The following BTRC variants were observed in gnomAD, a reference collection of about 807,000 sequenced individuals.
BTRC encodes the protein beta-transducin repeat containing E3 ubiquitin protein ligase, also known as F-box/WD repeat-containing protein 1A.
BTRC carries 42 observed loss-of-function variants against 85.5 expected under a neutral mutation model. The ratio of observed to expected loss-of-function variants is 0.49; its 90% CI spans 0.38 to 0.64. The LOEUF (loss-of-function observed/expected upper bound fraction) is 0.64, where lower values mean the gene tolerates loss of function less well. BTRC is among the 30% of genes least tolerant of loss of function. The pLI is 0.00. For missense variants in BTRC, 594 were observed against 743.5 expected (o/e 0.80, Z 2.34); for synonymous variants, 255 against 263.3 (o/e 0.97, Z 0.30).
intron 1 of BTRC, among the ~76,000 whole-genome samples, chr10:101,378,631 TCTC>T (rs1417939501): frequency 6.6e-6 from 1 of 151,676 alleles, no homozygotes; most frequent in Non-Finnish European, 1.5e-5. Context: ...TTCAAGCGAT[TCTC>T]CTGCCTCAGC....
intron 4 of BTRC, among the ~76,000 whole-genome samples, chr10:101,518,958 T>C (rs1408483343): frequency 6.6e-6 from 1 of 152,142 alleles, no homozygotes; most frequent in Admixed American, 6.5e-5. Flanking sequence ...GGGTCAGAAG[T>C]GTGGCACATA....
chr10:101,547,228 G>A (rs373392987), intron 13 of BTRC, among the ~76,000 whole-genome samples: 7 of 152,012 alleles, frequency 4.6e-5, no homozygotes, highest in African/African-American at 4.8e-5. Context: ...GCTTGAACCC[G>A]GGAGGCGGAG....
rs1277294291 is a variant in BTRC at position 101,554,977 on chromosome 10, A to G, written c.*1854A>G. On this transcript the variant is annotated 3_prime_UTR_variant, in exon 15 of 15. Transcript: ENST00000370187. ...ATTTTTAAGCTTTTAGTTCAAGGTTATATTCAGAAAATATTTCCCAGTATA... is the reference window on the plus strand; with the variant it reads ...ATTTTTAAGCTTTTAGTTCAAGGTTGTATTCAGAAAATATTTCCCAGTATA... 2 of 152,254 alleles carry G rather than the reference A, an allele frequency of 1.3e-5. No individual in the cohort carries two copies. Among genetic ancestry groups the G allele is most frequent in the South Asian group, 2.1e-4 (1 of 4,834 alleles). The allele number at this position is 152,254 out of a possible 1,614,324, so 9.4% of individuals were successfully genotyped here. A position where few individuals can be genotyped will look rare whatever the true frequency, so the allele number is the denominator to read the frequency against.
intron 1 of BTRC, among the ~76,000 whole-genome samples, chr10:101,421,823 A>G (rs1332653713): frequency 2.0e-5 from 3 of 152,004 alleles, no homozygotes; most frequent in East Asian, 3.9e-4. Context: ...ATGGCTGGCT[A>G]CTATTCCATG....
chr10:101,462,469 G>A (rs899103013), intron 3 of BTRC, among the ~76,000 whole-genome samples: 12 of 151,870 alleles, frequency 7.9e-5, no homozygotes, highest in East Asian at 5.8e-4. Flanking sequence ...ACCTGAAGTC[G>A]GGAGTTCGAG....
At chr10:101,506,912 G>A (rs1385980236) in intron 4 of BTRC, among the ~76,000 whole-genome samples, 1 of 152,008 alleles carries the variant, frequency 6.6e-6, no homozygotes, top group African/African-American at 2.4e-5. Flanking sequence ...ATGGACTCAG[G>A]GTCTCTGAAA....
chr10:101,526,219 T>G lies in BTRC; in HGVS notation c.743+20T>G, dbSNP rs1230283716. Reference sequence around the variant, plus strand: ...AGGATGGTGAGCCTTTAACTTTTCTTACTCTTATACGGCTTCAGGACCTGG... The same window carrying G: ...AGGATGGTGAGCCTTTAACTTTTCTGACTCTTATACGGCTTCAGGACCTGG... On this transcript the variant is annotated intron_variant, in intron 6 of 14. Transcript: ENST00000370187. 17 of 1,605,584 alleles carry G rather than the reference T, an allele frequency of 1.1e-5. No individual in the cohort carries two copies. The highest frequency in any genetic ancestry group is 1.4e-5 in the Non-Finnish European group (17 of 1,173,918).
At chr10:101,397,572 A>G (rs1273720124) in intron 1 of BTRC, among the ~76,000 whole-genome samples, 2 of 152,234 alleles carry the variant, frequency 1.3e-5, no homozygotes, top group African/African-American at 4.8e-5. Flanking sequence ...TGTAATAACT[A>G]TGAAAAGCTT....
At chr10:101,522,014 CTTTTTTTTTTTTTTTTTTTTTTTTTTT>C in intron 5 of BTRC, 144 bp downstream of exon 5, 1 of 62,982 alleles carries the variant, frequency 1.6e-5, no homozygotes, top group Non-Finnish European at 2.5e-5. Context: ...TGATATAAAG[CTTTTTTTTTTTTTTTTTTTTTTTTTTT>C]TTTTTTTTTG....
rs940076897 is a variant in BTRC at position 101,553,318 on chromosome 10, C to T, written c.*195C>T. Reference sequence around the variant, plus strand: ...TGCAGTCGGCCCAGGACGGTCTACTCAGCACAACTGACTGCTTCAGTGCTG... The same window carrying T: ...TGCAGTCGGCCCAGGACGGTCTACTTAGCACAACTGACTGCTTCAGTGCTG... On this transcript the variant is annotated 3_prime_UTR_variant, in exon 15 of 15. Coordinates refer to ENST00000370187, the MANE Select transcript of BTRC (RefSeq NM_033637.4). The T allele has an allele frequency of 6.6e-6, 1 of 152,662 alleles. No individual in the cohort carries two copies. The highest frequency in any genetic ancestry group is 1.5e-5 in the Non-Finnish European group (1 of 68,062). 9.5% of individuals were successfully genotyped at this position (152,662 alleles called of 1,614,324 possible). A position where few individuals can be genotyped will look rare whatever the true frequency, so the allele number is the denominator to read the frequency against.
intron 1 of BTRC, among the ~76,000 whole-genome samples, chr10:101,376,064 G>A (rs1391495932): frequency 2.6e-5 from 4 of 152,156 alleles, no homozygotes; most frequent in African/African-American, 9.7e-5. Context: ...AGTGGCTCAC[G>A]CCTGTAATCC....
intron 13 of BTRC, among the ~76,000 whole-genome samples, chr10:101,541,836 C>A (rs916052506): frequency 6.6e-6 from 1 of 151,958 alleles, no homozygotes; most frequent in African/African-American, 2.4e-5. Flanking sequence ...TTGCTAATAT[C>A]TTTTTAAGGA....
At chr10:101,483,457 G>A (rs1259923229) in intron 4 of BTRC, among the ~76,000 whole-genome samples, 2 of 152,126 alleles carry the variant, frequency 1.3e-5, no homozygotes, top group South Asian at 2.1e-4. Context: ...GCTGGGCGTG[G>A]TGGCACATGC....
chr10:101,416,454 T>C (rs1234937660), intron 1 of BTRC, among the ~76,000 whole-genome samples: 1 of 152,208 alleles, frequency 6.6e-6, no homozygotes, highest in Non-Finnish European at 1.5e-5. Flanking sequence ...TTCACAGACA[T>C]ATCCCTTTGG....
intron 5 of BTRC, 58 bp from the exon 6 acceptor site, chr10:101,525,955 A>G (rs2062184889): frequency 6.5e-7 from 1 of 1,535,828 alleles, no homozygotes; most frequent in Non-Finnish European, 8.9e-7. Flanking sequence ...GACCTTTTGT[A>G]AAAAATCATT....
chr10:101,533,741 C>T (rs1204712528), intron 9 of BTRC, among the ~76,000 whole-genome samples: 2 of 152,080 alleles, frequency 1.3e-5, no homozygotes, highest in Non-Finnish European at 2.9e-5. Context: ...CGGTTAAGTG[C>T]ATTGTTAGAT....
intron 11 of BTRC, 52 bp downstream of exon 11, chr10:101,535,524 A>G (rs777461229): frequency 8.2e-7 from 1 of 1,213,824 alleles, no homozygotes; most frequent in Admixed American, 1.9e-5. Flanking sequence ...GCTCCCATTC[A>G]TTATTAATGC....
intron 1 of BTRC, among the ~76,000 whole-genome samples, chr10:101,357,708 A>T (rs1186026013): frequency 6.6e-6 from 1 of 152,204 alleles, no homozygotes; most frequent in African/African-American, 2.4e-5. Flanking sequence ...TTGCTATACT[A>T]AAGTGCCTTG....
intron 9 of BTRC, 22 bp from the exon 10 acceptor site, chr10:101,534,638 TA>T: frequency 2.5e-6 from 4 of 1,613,708 alleles, no homozygotes; most frequent in Non-Finnish European, 3.4e-6. Context: ...GAGTACCATC[TA>T]AATCTCATCT....
Sources: allele counts gnomAD v4.1 joint callset (sites outside exome capture counted in the v4.1 genomes callset), GRCh38; gene constraint gnomAD v4.1.1; transcripts MANE v1.5; gene names NCBI Gene and HGNC (gene_info 2026-07-23, HGNC 2026-07-21).